KLHL33: variants seen among roughly 807,000 people sequenced by gnomAD.
The protein encoded by KLHL33 is kelch-like protein 33.
Under a neutral mutation model 60.8 loss-of-function variants are expected in KLHL33, and 46 were observed. The ratio of observed to expected loss-of-function variants is 0.76; its 90% CI spans 0.60 to 0.97. The LOEUF is 0.97. Among genes scored for constraint, KLHL33 ranks in the 50% least tolerant of loss-of-function variants. The pLI, the probability that KLHL33 is intolerant of heterozygous loss-of-function variation, is 0.00. For missense variants in KLHL33, 1,055 were observed against 1,000.0 expected (o/e 1.05, Z -0.74); for synonymous variants, 434 against 432.2 (o/e 1.00, Z -0.05).
At chr14:20,430,806 C>A in intron 2 of KLHL33, 87 bp from the exon 3 acceptor site, 1 of 821,840 alleles carries the variant, frequency 1.2e-6, no homozygotes, top group Non-Finnish European at 1.7e-6. Flanking sequence ...TAAGTTTGGC[C>A]AAACTCTAAG....
Position 20,429,173 on chromosome 14 carries a change from C to T in KLHL33, c.2070G>A (p.Leu690=), listed in dbSNP as rs1313165174. 6.4e-6 allele frequency: 10 copies of T among 1,551,610 alleles called. No individual in the cohort carries two copies. Among genetic ancestry groups the T allele is most frequent in the Admixed American group, 2.0e-5 (1 of 50,990 alleles). ...AGCTTAGCAGGTCCTCAGTCTCACC[C>T]AGCCCACCTGCCACATACAACCTCC... The part of the protein sequence containing the change: ...LGGRLYVAGG[L]GETEDLLSFE... The change falls in exon 5 of 5, where the codon CTG becomes CTA. Residue 690 remains leucine (L), a synonymous_variant. Transcript: ENST00000636854.
intron 2 of KLHL33, among the ~76,000 whole-genome samples, chr14:20,433,511 C>G (rs1880588272): frequency 6.6e-6 from 1 of 152,182 alleles, no homozygotes; most frequent in Admixed American, 6.5e-5. Context: ...CTGAGAAAAT[C>G]TGCATTCCTC....
In KLHL33 at chr14:20,430,698, C is replaced by G; in HGVS notation, c.770G>C (p.Cys257Ser). The G allele has an allele frequency of 6.6e-7, 1 of 1,525,570 alleles. No individual in the cohort carries two copies. Among genetic ancestry groups the G allele is most frequent in the Non-Finnish European group, 8.8e-7 (1 of 1,141,066 alleles). 94.5% of individuals were successfully genotyped at this position (1,525,570 alleles called of 1,614,324 possible). ...QLSVHRAALA[C>S]GSEFFGAMLL... ...CATGGCCCCAAAGAACTCACTGCCA[C>G]AGGCCAGGGCGGCTCGGTGCACTGC... Residue 257 changes from cysteine to serine, a missense_variant, in exon 3 of 5, where the codon TGT (cysteine) becomes TCT (serine). Cys to Ser is a moderately radical substitution (Grantham distance 112). Coordinates refer to ENST00000636854, the MANE Select transcript of KLHL33 (RefSeq NM_001365790.2).
intron 2 of KLHL33, 128 bp downstream of exon 2, chr14:20,434,935 AC>A (rs1880636990): frequency 4.8e-6 from 4 of 833,742 alleles, no homozygotes; most frequent in Non-Finnish European, 6.4e-6. Context: ...ACCAAAGGCC[AC>A]CCCAGGGAAA....
rs1328721076 is a variant in KLHL33 at position 20,430,627 on chromosome 14, G to T, written c.841C>A (p.Arg281=). Residue 281 remains arginine (R), a synonymous_variant, in exon 3 of 5, where the codon CGG becomes AGG. Transcript: ENST00000636854. The part of the protein sequence containing the change: ...RESQGTEVSL[R]TISTQDLRLL... ...CGCAGGTCCTGGGTGGAGATCGTCCGCAGAGATACCTCTGTGCCCTGGGAT... is the reference window on the plus strand; with the variant it reads ...CGCAGGTCCTGGGTGGAGATCGTCCTCAGAGATACCTCTGTGCCCTGGGAT... 1 of 1,535,774 alleles carries T rather than the reference G, an allele frequency of 6.5e-7. No homozygotes were observed. The highest frequency in any genetic ancestry group is 1.2e-5 in the South Asian group (1 of 83,996).
intron 2 of KLHL33, among the ~76,000 whole-genome samples, chr14:20,432,600 G>A (rs1405362801): frequency 2.0e-5 from 3 of 152,010 alleles, no homozygotes; most frequent in Non-Finnish European, 4.4e-5. Flanking sequence ...GGACAACTGG[G>A]AAAATATAAA....
chr14:20,434,380 A>T (rs1171082119), intron 2 of KLHL33, among the ~76,000 whole-genome samples: 1 of 152,120 alleles, frequency 6.6e-6, no homozygotes, highest in Non-Finnish European at 1.5e-5. Flanking sequence ...TACTAAAAAA[A>T]TACCAAAAAA....
Position 20,428,819 on chromosome 14 carries a change from C to G in KLHL33, c.*30G>C. The G allele has an allele frequency of 6.6e-7, 1 of 1,516,948 alleles. No homozygotes were observed. The highest frequency in any genetic ancestry group is 8.9e-7 in the Non-Finnish European group (1 of 1,121,358). 94.0% of individuals were successfully genotyped at this position (1,516,948 alleles called of 1,614,324 possible). ...CTTCTCTCAGGCTATTTCTTATGCCCTCCTCTCCCCATACACTGTTGCTCC... is the reference window on the plus strand; with the variant it reads ...CTTCTCTCAGGCTATTTCTTATGCCGTCCTCTCCCCATACACTGTTGCTCC... On this transcript the variant is annotated 3_prime_UTR_variant, in exon 5 of 5. Coordinates refer to ENST00000636854, the MANE Select transcript of KLHL33 (RefSeq NM_001365790.2).
chr14:20,435,360 G>C lies in KLHL33; in HGVS notation c.452C>G (p.Pro151Arg), dbSNP rs557753769. The change falls in exon 2 of 5, where the codon CCC becomes CGC. Residue 151 changes from proline to arginine, a missense_variant. Pro to Arg is a moderately radical substitution (Grantham distance 103). Coordinates refer to ENST00000636854, the MANE Select transcript of KLHL33 (RefSeq NM_001365790.2). ...RLLGGGGPRP[P>R]FSLEVSPGGW... The stretch of plus-strand genomic sequence containing the variant: ...CCCTGGGGACACCTCGAGGCTGAAG[G>C]GGGGCCGCGGACCTCCGCCGCCCAG... 1.5e-4 allele frequency: 181 copies of C among 1,234,292 alleles called. No individual in the cohort carries two copies. In the South Asian group the frequency reaches 6.4e-3, roughly 44 times the overall value. 76.5% of individuals were successfully genotyped at this position (1,234,292 alleles called of 1,614,324 possible).
At position 20,435,686 on chromosome 14, in the gene KLHL33, G is replaced by A. The variant is rs878944984; in HGVS notation, c.126C>T (p.Asp42=). 21 of 1,234,816 alleles carry A rather than the reference G, an allele frequency of 1.7e-5. No homozygotes were observed. In the South Asian group the frequency reaches 7.8e-4, roughly 46 times the overall value. 76.5% of individuals were successfully genotyped at this position (1,234,816 alleles called of 1,614,324 possible). A position where few individuals can be genotyped will look rare whatever the true frequency, so the allele number is the denominator to read the frequency against. The part of the protein sequence containing the change: ...QRTPSWPPSP[D]EDPRLPSFPL... ...GAAAGGAAGGCAATCTGGGATCCTC[G>A]TCGGGGGAGGGAGGCCAGGAAGGGG... Residue 42 remains aspartate, a synonymous_variant, in exon 2 of 5, where the codon GAC becomes GAT. Coordinates refer to ENST00000636854, the MANE Select transcript of KLHL33 (RefSeq NM_001365790.2).
chr14:20,431,451 G>A (rs146038404), intron 2 of KLHL33, among the ~76,000 whole-genome samples: 9 of 152,322 alleles, frequency 5.9e-5, no homozygotes, highest in African/African-American at 2.2e-4. Flanking sequence ...AACTGGTTGG[G>A]TGTCGTGGCA....
At position 20,429,574 on chromosome 14, in the gene KLHL33, G is replaced by T. The variant is rs1411824526; in HGVS notation, c.1769C>A (p.Ala590Asp). The T allele has an allele frequency of 1.3e-6, 2 of 1,552,038 alleles. No homozygotes were observed. Among genetic ancestry groups the T allele is most frequent in the Non-Finnish European group, 1.7e-6 (2 of 1,147,100 alleles). ...SLVALDGKLY[A>D]LGGRHNDVAL... is the part of the protein sequence containing the mutation. ...AACATCATTGTGTCTTCCACCCAGG[G>T]CATAAAGTTTTCCATCCAGTGCCAC... Residue 590 changes from alanine to aspartate, a missense_variant, in exon 4 of 5, where the codon GCC becomes GAC. By Grantham distance (126) the Ala-to-Asp change is moderately radical. Coordinates refer to ENST00000636854, the MANE Select transcript of KLHL33 (RefSeq NM_001365790.2).
rs1220700824 is a variant in KLHL33 at position 20,427,102 on chromosome 14, G to A, written c.*1747C>T. On this transcript the variant is annotated 3_prime_UTR_variant, in exon 5 of 5. Transcript: ENST00000636854. ...AATGCTAAATGACGAGTTAATGGGT[G>A]CAGCACACCAGCATGGCACATGTAT... is the stretch of plus-strand genomic sequence containing the variant. The A allele has an allele frequency of 2.0e-5, 3 of 150,424 alleles. No homozygotes were observed. The highest frequency in any genetic ancestry group is 4.4e-5 in the Non-Finnish European group (3 of 67,802). 9.3% of individuals were successfully genotyped at this position (150,424 alleles called of 1,614,324 possible).
In KLHL33 at chr14:20,435,275, C is replaced by T. The variant is rs1386455489; in HGVS notation, c.537G>A (p.Gly179=). 36 of 1,234,452 alleles carry T rather than the reference C, an allele frequency of 2.9e-5. No homozygotes were observed. Among genetic ancestry groups the T allele is most frequent in the Non-Finnish European group, 3.5e-5 (35 of 988,242 alleles). The allele number at this position is 1,234,452 out of a possible 1,614,324, so 76.5% of individuals were successfully genotyped here. A position where few individuals can be genotyped will look rare whatever the true frequency, so the allele number is the denominator to read the frequency against. Residue 179 remains glycine, a synonymous_variant, in exon 2 of 5, where the codon GGG becomes GGA. Coordinates refer to ENST00000636854, the MANE Select transcript of KLHL33 (RefSeq NM_001365790.2). The part of the protein sequence containing the change: ...YEGVLGPASQ[G]DVLAAAEALG... ...GCGCCTCTGCTGCGGCCAGCACATC[C>T]CCCTGCGAGGCGGGGCCCAGCACCC...
At chr14:20,434,257 C>T (rs1169334397) in intron 2 of KLHL33, among the ~76,000 whole-genome samples, 1 of 152,128 alleles carries the variant, frequency 6.6e-6, no homozygotes, top group Non-Finnish European at 1.5e-5. Context: ...TTCAAAGTGC[C>T]ATGGCCAGGC....
intron 2 of KLHL33, among the ~76,000 whole-genome samples, chr14:20,433,631 C>A (rs749926015): frequency 6.6e-6 from 1 of 152,178 alleles, no homozygotes; most frequent in Non-Finnish European, 1.5e-5. Context: ...CATTACTATA[C>A]CCTAGGATTT....
intron 2 of KLHL33, among the ~76,000 whole-genome samples, chr14:20,434,632 G>A (rs1566502582): frequency 6.6e-6 from 1 of 151,998 alleles, no homozygotes; most frequent in Non-Finnish European, 1.5e-5. Context: ...CAGCCATGGC[G>A]TCAAGCACAC....
Position 20,435,905 on chromosome 14 carries a change from C to T in KLHL33, c.-19-75G>A, listed in dbSNP as rs146000961. The T allele has an allele frequency of 6.0e-5, 66 of 1,104,256 alleles. No individual in the cohort carries two copies. In the African/African-American group the frequency reaches 1.0e-3, roughly 17 times the overall value. 68.4% of individuals were successfully genotyped at this position (1,104,256 alleles called of 1,614,324 possible). A position where few individuals can be genotyped will look rare whatever the true frequency, so the allele number is the denominator to read the frequency against. On this transcript the variant is annotated intron_variant, in intron 1 of 4. Transcript: ENST00000636854. ...GAGGCCAGAGCAACCATGTCTCCAG[C>T]CAGTTGAAATGTCAGTCTCTCCCCT...
At position 20,435,533 on chromosome 14, in the gene KLHL33, C is replaced by G. The variant is rs918579617; in HGVS notation, c.279G>C (p.Glu93Asp). Reference sequence around the variant, plus strand: ...CGGCGAAAAACTGGCTCGGATGCTCCTCGCTGCGCAGCCACTCGGGCTCTG... The same window carrying G: ...CGGCGAAAAACTGGCTCGGATGCTCGTCGCTGCGCAGCCACTCGGGCTCTG... ...DAAEPEWLRS[E>D]EHPSQFFAEA... is the part of the protein sequence containing the mutation. Residue 93 changes from glutamate (E) to aspartate (D), a missense_variant, in exon 2 of 5, where the codon GAG (glutamate) becomes GAC (aspartate). Transcript: ENST00000636854. The G allele has an allele frequency of 8.1e-7, 1 of 1,234,742 alleles. No homozygotes were observed. The highest frequency in any genetic ancestry group is 1.0e-6 in the Non-Finnish European group (1 of 988,448). 76.5% of individuals were successfully genotyped at this position (1,234,742 alleles called of 1,614,324 possible).
Sources: gnomAD v4.1 joint callset for allele counts (sites outside exome capture counted in the v4.1 genomes callset) on GRCh38, gnomAD v4.1.1 for gene constraint, MANE v1.5 for transcripts, NCBI Gene and HGNC (gene_info 2026-07-23, HGNC 2026-07-21) for gene names.